The following AATK variants were observed in gnomAD, a reference collection of about 807,000 sequenced individuals.
The protein encoded by AATK is lemur tail kinase 1.
AATK carries 91 observed loss-of-function variants against 114.3 expected under a neutral mutation model. The ratio of observed to expected loss-of-function variants is 0.80; its 90% confidence interval spans 0.67 to 0.95. The LOEUF (loss-of-function observed/expected upper bound fraction) is 0.95, where lower values mean the gene tolerates loss of function less well. AATK is among the 40% of genes least tolerant of loss of function. AATK has a pLI of 0.00. For missense variants in AATK, 2,176 were observed against 1,965.2 expected, an observed-to-expected ratio of 1.11 and a Z score of -2.03; for synonymous variants, 1,075 against 916.5, an observed-to-expected ratio of 1.17 and a Z score of -3.12.
At chr17:81,139,010 CCACA>C (rs537179187) in intron 1 of AATK, among the ~76,000 whole-genome samples, 1 of 150,912 alleles carries the variant, frequency 6.6e-6, no homozygotes, top group African/African-American at 2.4e-5. Flanking sequence ...TGCACGCACC[CCACA>C]CACCCACACG....
chr17:81,123,960 C>T (rs2060744178), intron 9 of AATK, among the ~76,000 whole-genome samples: 1 of 152,140 alleles, frequency 6.6e-6, no homozygotes, highest in Non-Finnish European at 1.5e-5. Flanking sequence ...TTGGCCAGAG[C>T]CCTGTGACTG....
chr17:81,145,794 G>A (rs970130554), intron 1 of AATK, among the ~76,000 whole-genome samples: 8 of 147,276 alleles, frequency 5.4e-5, no homozygotes, highest in East Asian at 2.0e-4. Flanking sequence ...GGCACACAGC[G>A]AACCGAAAAA....
rs866038798 is a variant in AATK, at chr17:81,165,955, C to G, written c.38G>C (p.Ser13Thr). Reference protein sequence around the residue: ...SSFFNPSFAFSSHFDPDGAPL... With the variant: ...SSFFNPSFAFTSHFDPDGAPL... ...GGACTCACCGGGGTCGAAGTGCGAG[C>G]TGAAGGCGAAGCTGGGGTTGAAGAA... Residue 13 changes from serine (S) to threonine (T), a missense_variant, in exon 1 of 14, where the codon AGC becomes ACC. By Grantham distance (58) the Ser-to-Thr change is moderately conservative. Transcript: ENST00000326724. 1.3e-6 allele frequency: 2 copies of G among 1,585,176 alleles called. No homozygotes were observed.
At chr17:81,128,032 C>T in intron 4 of AATK, 122 bp from the exon 5 acceptor site, 1 of 1,207,632 alleles carries the variant, frequency 8.3e-7, no homozygotes, top group African/African-American at 1.5e-5. Flanking sequence ...CCTCCTGTGC[C>T]CCGTCCACTC....
Position 81,166,121 on chromosome 17 carries a change from G to GC in AATK, c.-130dup, listed in dbSNP as rs995211936. ...GAGCGCGCCGGCCCCCGCGCCCCGCGCCCCCCGCCGCAGCCGCAGAGCCCG... is the reference window on the plus strand; with the variant it reads ...GAGCGCGCCGGCCCCCGCGCCCCGCGCCCCCCCGCCGCAGCCGCAGAGCCCG... On this transcript the variant is annotated 5_prime_UTR_variant, in exon 1 of 14. Coordinates refer to ENST00000326724, the MANE Select transcript of AATK (RefSeq NM_001080395.3). The GC allele has an allele frequency of 2.4e-6, 1 of 415,352 alleles. No homozygotes were observed. 25.7% of individuals were successfully genotyped at this position (415,352 alleles called of 1,614,324 possible).
At chr17:81,136,269 C>T (rs72855509) in intron 1 of AATK, 20,622 of 152,376 alleles carry the variant, frequency 0.14, 1,615 homozygotes, top group South Asian at 0.2. Flanking sequence ...AGGAACCTAT[C>T]TGTGGCCTTT....
intron 13 of AATK, 120 bp downstream of exon 13, chr17:81,119,260 G>GCGGGGCCGGGA: frequency 4.7e-6 from 5 of 1,054,248 alleles, no homozygotes; most frequent in Non-Finnish European, 6.4e-6. Flanking sequence ...CCGGGAAGGA[G>GCGGGGCCGGGA]CGGAGCGGAG....
chr17:81,122,693 G>C lies in AATK; in HGVS notation c.1243C>G (p.Arg415Gly). ...EAEEEFERRW[R>G]SLRPGGGGVG... ...CCGCCCCCGCCGGGCCGCAGAGAGC[G>C]CCAGCGCCGTTCAAACTCCTCCTCT... The change falls in exon 11 of 14, where the codon CGC (arginine) becomes GGC (glycine). Residue 415 changes from arginine to glycine, a missense_variant. By Grantham distance (125) the Arg-to-Gly change is moderately radical. Around this residue, in one of 4 missense-constraint regions of AATK, gnomAD observed 1,701 missense variants for 1,394.7 expected, o/e 1.22. Transcript: ENST00000326724. 3.2e-6 allele frequency: 5 copies of C among 1,555,700 alleles called. No homozygotes were observed. Among genetic ancestry groups the C allele is most frequent in the Non-Finnish European group, 3.5e-6 (4 of 1,149,956 alleles).
chr17:81,150,414 C>T (rs959307503), intron 1 of AATK, among the ~76,000 whole-genome samples: 7 of 145,006 alleles, frequency 4.8e-5, no homozygotes, highest in African/African-American at 1.8e-4. Context: ...TAGGGCTCCC[C>T]CTGATCCCAA....
intron 13 of AATK, among the ~76,000 whole-genome samples, chr17:81,119,158 AGGGTCAGG>A: frequency 2.0e-5 from 1 of 48,884 alleles, no homozygotes; most frequent in Non-Finnish European, 5.6e-5. Context: ...GGGTCAGGTG[AGGGTCAGG>A]TGAGGGTCAG....
chr17:81,122,692 C>G lies in AATK; in HGVS notation c.1244G>C (p.Arg415Pro). 1 of 1,553,730 alleles carries G rather than the reference C, an allele frequency of 6.4e-7. No individual in the cohort carries two copies. The highest frequency in any genetic ancestry group is 8.7e-7 in the Non-Finnish European group (1 of 1,148,782). Residue 415 changes from arginine to proline, a missense_variant, in exon 11 of 14, where the codon CGC (arginine) becomes CCC (proline). This residue lies in a region of AATK where 1,701 missense variants were observed against 1,394.7 expected (regional missense o/e 1.22). Transcript: ENST00000326724. ...EAEEEFERRWRSLRPGGGGVG... is the reference protein window; with the variant it reads ...EAEEEFERRWPSLRPGGGGVG... ...GCCGCCCCCGCCGGGCCGCAGAGAG[C>G]GCCAGCGCCGTTCAAACTCCTCCTC...
intron 1 of AATK, among the ~76,000 whole-genome samples, chr17:81,136,923 A>T (rs559179131): frequency 1.3e-5 from 2 of 152,122 alleles, no homozygotes; most frequent in Non-Finnish European, 2.9e-5. Flanking sequence ...TGAGGGTCAG[A>T]GCGGCTGTCC....
Position 81,117,936 on chromosome 17 carries a change from AG to A in AATK, c.*465del. On this transcript the variant is annotated 3_prime_UTR_variant, in exon 14 of 14. Transcript: ENST00000326724. The stretch of plus-strand genomic sequence containing the variant: ...AGGAACCAGGCAAGGGTGGGGGCAC[AG>A]GGGGTGGGAAGAGGCTCACAAACCT... 6.4e-6 allele frequency: 1 copy of A among 155,362 alleles called. No homozygotes were observed. Among genetic ancestry groups the A allele is most frequent in the Non-Finnish European group, 1.4e-5 (1 of 70,214 alleles). The allele number at this position is 155,362 out of a possible 1,614,324, so 9.6% of individuals were successfully genotyped here.
At chr17:81,161,875 CACACA>C (rs1232313158) in intron 1 of AATK, among the ~76,000 whole-genome samples, 14 of 152,270 alleles carry the variant, frequency 9.2e-5, no homozygotes, top group Middle Eastern at 3.4e-3. Flanking sequence ...CAGCATGTTC[CACACA>C]ACACAACAGC....
At chr17:81,163,128 T>A (rs1049268226) in intron 1 of AATK, among the ~76,000 whole-genome samples, 1 of 152,166 alleles carries the variant, frequency 6.6e-6, no homozygotes. Flanking sequence ...GCAGAGCATT[T>A]GACCCCCACC....
intron 1 of AATK, 49 bp downstream of exon 1, chr17:81,165,878 GGCATCACGTCC>G (rs2061483331): frequency 1.9e-6 from 3 of 1,548,142 alleles, no homozygotes; most frequent in Non-Finnish European, 1.7e-6. Context: ...GGGGCCCAGG[GGCATCACGTCC>G]GCAGCGGAGG....
chr17:81,162,514 C>T (rs543197810), intron 1 of AATK, among the ~76,000 whole-genome samples: 5 of 152,150 alleles, frequency 3.3e-5, no homozygotes, highest in Admixed American at 6.5e-5. Context: ...GGAGGACTCC[C>T]GGGGACCACC....
intron 1 of AATK, among the ~76,000 whole-genome samples, chr17:81,157,906 G>C (rs532242452): frequency 1.3e-5 from 2 of 152,336 alleles, no homozygotes; most frequent in South Asian, 2.1e-4. Flanking sequence ...GCTCTTCGTG[G>C]GGGCCTACCC....
Position 81,121,578 on chromosome 17 carries a change from A to G in AATK, c.2358T>C (p.Ala786=), listed in dbSNP as rs768461713. 1 of 1,510,010 alleles carries G rather than the reference A, an allele frequency of 6.6e-7. No individual in the cohort carries two copies. Among genetic ancestry groups the G allele is most frequent in the Non-Finnish European group, 8.9e-7 (1 of 1,129,500 alleles). 93.5% of individuals were successfully genotyped at this position (1,510,010 alleles called of 1,614,324 possible). ...GCAGGCGGGGTCCGGTAGTGCCCTC[A>G]GCCTCCGTGGCAAGCTTGGGCTCTG... ...PQAEPKLATE[A]EGTTGPRLPL... is the part of the protein sequence containing the mutation. Residue 786 remains alanine (A), a synonymous_variant, in exon 11 of 14, where the codon GCT becomes GCC. Transcript: ENST00000326724.
Sources: allele counts gnomAD v4.1 joint callset (sites outside exome capture counted in the v4.1 genomes callset), GRCh38; gene constraint gnomAD v4.1.1; regional missense constraint gnomAD v4.1.1; transcripts MANE v1.5; gene names NCBI Gene and HGNC (gene_info 2026-07-23, HGNC 2026-07-21).